Variants in BAIAP2L1 observed in about 807,000 individuals in gnomAD.
The protein encoded by BAIAP2L1 is BAR/IMD domain-containing adapter protein 2-like 1.
BAIAP2L1 carries 35 observed loss-of-function variants against 66.3 expected under a neutral mutation model. The ratio of observed to expected loss-of-function variants is 0.53; its 90% CI spans 0.40 to 0.70. The LOEUF (loss-of-function observed/expected upper bound fraction) is 0.70. BAIAP2L1 is among the 30% of genes least tolerant of loss of function. The pLI is 0.00. For missense variants in BAIAP2L1, 622 were observed against 656.9 expected, an observed-to-expected ratio of 0.95 and a Z score of 0.58; for synonymous variants, 269 against 248.7, an observed-to-expected ratio of 1.08 and a Z score of -0.77.
At chr7:98,378,837 CT>C (rs987103699) in intron 1 of BAIAP2L1, among the ~76,000 whole-genome samples, 42 of 144,442 alleles carry the variant, frequency 2.9e-4, no homozygotes, top group Admixed American at 2.8e-4. Flanking sequence ...AAGGCTCACT[CT>C]TTTTTTTTTT....
chr7:98,397,263 T>C (rs1376864362), intron 1 of BAIAP2L1, among the ~76,000 whole-genome samples: 1 of 151,538 alleles, frequency 6.6e-6, no homozygotes, highest in African/African-American at 2.4e-5. Flanking sequence ...AAGATTCCTG[T>C]AGGTAGGACA....
intron 3 of BAIAP2L1, among the ~76,000 whole-genome samples, chr7:98,335,137 A>G (rs1297348508): frequency 1.5e-4 from 20 of 132,256 alleles, no homozygotes; most frequent in Non-Finnish European, 2.5e-4. Flanking sequence ...TGGGTGACAG[A>G]GCAAGACTCC....
intron 3 of BAIAP2L1, among the ~76,000 whole-genome samples, chr7:98,353,403 A>AAT (rs556138831): frequency 1.1e-4 from 15 of 136,854 alleles, no homozygotes; most frequent in African/African-American, 3.3e-4. Flanking sequence ...AAATATACAT[A>AAT]ATATATATAT....
intron 1 of BAIAP2L1, among the ~76,000 whole-genome samples, chr7:98,390,052 A>C (rs531527091): frequency 2.0e-5 from 3 of 151,352 alleles, no homozygotes; most frequent in African/African-American, 7.3e-5. Flanking sequence ...AGTAGCTGGG[A>C]CTACAGGCAC....
At chr7:98,386,132 T>C in intron 1 of BAIAP2L1, 6 of 1,592,762 alleles carry the variant, frequency 3.8e-6, no homozygotes, top group African/African-American at 1.3e-5. Context: ...GCATAAGAGG[T>C]CTTCCGTATC....
chr7:98,345,084 G>GA (rs1395698185), intron 3 of BAIAP2L1, among the ~76,000 whole-genome samples: 1 of 152,134 alleles, frequency 6.6e-6, no homozygotes, highest in Non-Finnish European at 1.5e-5. Context: ...AGGGCTGCTT[G>GA]AGCCCAGGAG....
At chr7:98,348,436 G>A (rs1172248965) in intron 3 of BAIAP2L1, among the ~76,000 whole-genome samples, 29 of 151,672 alleles carry the variant, frequency 1.9e-4, no homozygotes, top group Admixed American at 1.9e-3. Flanking sequence ...GCATGGTGGT[G>A]GGCACCTATA....
intron 1 of BAIAP2L1, among the ~76,000 whole-genome samples, chr7:98,363,136 G>A (rs1342491005): frequency 6.8e-6 from 1 of 146,276 alleles, no homozygotes; most frequent in Non-Finnish European, 1.5e-5. Flanking sequence ...CTAGGTTCAA[G>A]CAATTCTCCT....
At chr7:98,376,657 CAA>C (rs71112147) in intron 1 of BAIAP2L1, among the ~76,000 whole-genome samples, 6 of 92,932 alleles carry the variant, frequency 6.5e-5, no homozygotes, top group African/African-American at 8.8e-5. Context: ...CCCATCTTTA[CAA>C]AAAAAAAAAA....
intron 3 of BAIAP2L1, among the ~76,000 whole-genome samples, chr7:98,336,179 A>C (rs1801612724): frequency 6.6e-6 from 1 of 152,184 alleles, no homozygotes; most frequent in Admixed American, 6.5e-5. Flanking sequence ...GGGTTAAAAA[A>C]GTAACTATTG....
chr7:98,321,163 T>C (rs1801232392), intron 3 of BAIAP2L1, among the ~76,000 whole-genome samples: 2 of 152,128 alleles, frequency 1.3e-5, no homozygotes, highest in Admixed American at 6.6e-5. Flanking sequence ...CTGGCCCACG[T>C]GGCCCTTTCT....
At chr7:98,301,830 T>C (rs1274868046) in intron 12 of BAIAP2L1, among the ~76,000 whole-genome samples, 3 of 152,032 alleles carry the variant, frequency 2.0e-5, no homozygotes, top group East Asian at 3.9e-4. Context: ...GGGTGTGAGC[T>C]GAGAATACCA....
At chr7:98,368,495 AT>A (rs1356934677) in intron 1 of BAIAP2L1, among the ~76,000 whole-genome samples, 1 of 152,082 alleles carries the variant, frequency 6.6e-6, no homozygotes, top group Non-Finnish European at 1.5e-5. Flanking sequence ...GATCGACACC[AT>A]TCTGGCCAAC....
intron 1 of BAIAP2L1, among the ~76,000 whole-genome samples, chr7:98,364,144 T>C (rs933472419): frequency 6.6e-6 from 1 of 152,140 alleles, no homozygotes; most frequent in Non-Finnish European, 1.5e-5. Flanking sequence ...TCTATGCAAT[T>C]AGATGGCAAT....
chr7:98,319,128 T>A (rs114587824), intron 5 of BAIAP2L1, among the ~76,000 whole-genome samples: 3,683 of 152,094 alleles, frequency 0.024, 146 homozygotes, highest in African/African-American at 0.084. Context: ...GAGGGATGAT[T>A]CCAGGGCAAC....
chr7:98,395,476 G>C (rs1158452300), intron 1 of BAIAP2L1, among the ~76,000 whole-genome samples: 5 of 151,670 alleles, frequency 3.3e-5, no homozygotes, highest in African/African-American at 4.8e-5. Context: ...GCTACCCTTG[G>C]AGGGGTGCAG....
At position 98,355,206 on chromosome 7, in the gene BAIAP2L1, C is replaced by T. The variant is rs1802091734; in HGVS notation, c.128-78G>A. The T allele has an allele frequency of 1.3e-5, 13 of 969,738 alleles. No individual in the cohort carries two copies. The Middle Eastern group carries it at 8.5e-4, about 63-fold the overall frequency. 60.1% of individuals were successfully genotyped at this position (969,738 alleles called of 1,614,324 possible). ...AGCAACACAAGTTTTCTTCCAAACA[C>T]CCCCTGGTCCCTTCTGGCTGCAGGA... is the stretch of plus-strand genomic sequence containing the variant. On this transcript the variant is annotated intron_variant, in intron 2 of 13. Coordinates refer to ENST00000005260, the MANE Select transcript of BAIAP2L1 (RefSeq NM_018842.5).
chr7:98,369,759 C>G (rs1802467806), intron 1 of BAIAP2L1, among the ~76,000 whole-genome samples: 1 of 150,418 alleles, frequency 6.6e-6, no homozygotes, highest in African/African-American at 2.4e-5. Context: ...GCAACCTCCA[C>G]CTCCTGGGTT....
intron 1 of BAIAP2L1, among the ~76,000 whole-genome samples, chr7:98,384,102 C>T (rs957333914): frequency 6.7e-5 from 10 of 149,826 alleles, no homozygotes; most frequent in Admixed American, 3.3e-4. Flanking sequence ...TGCAGTGAGC[C>T]GAGATCGCAC....
Sources: allele counts gnomAD v4.1 joint callset (sites outside exome capture counted in the v4.1 genomes callset), GRCh38; gene constraint gnomAD v4.1.1; transcripts MANE v1.5; gene names NCBI Gene and HGNC (gene_info 2026-07-23, HGNC 2026-07-21).